TMEM117: variants seen among roughly 807,000 people sequenced by gnomAD.
The protein encoded by TMEM117 is transmembrane protein 117.
A neutral mutation model predicts 52.4 loss-of-function variants in TMEM117; 27 were observed. The observed-to-expected ratio is 0.51, with a 90% CI of 0.38 to 0.71. The LOEUF (loss-of-function observed/expected upper bound fraction) is 0.71, where lower values mean the gene tolerates loss of function less well. Among genes scored for constraint, TMEM117 ranks in the 30% least tolerant of loss-of-function variants. The pLI is 0.00. For synonymous variants in TMEM117, 215 were observed against 206.3 expected, an observed-to-expected ratio of 1.04 and a Z score of -0.36; for missense variants, 556 against 630.5, an observed-to-expected ratio of 0.88 and a Z score of 1.26.
intron 5 of TMEM117, among the ~76,000 whole-genome samples, chr12:44,297,690 A>G (rs1400350308): frequency 6.6e-6 from 1 of 152,206 alleles, no homozygotes; most frequent in African/African-American, 2.4e-5. Context: ...ATTCTTCATC[A>G]AGGTTGCTAT....
At chr12:43,984,660 T>C (rs1945817053) in intron 3 of TMEM117, among the ~76,000 whole-genome samples, 1 of 152,194 alleles carries the variant, frequency 6.6e-6, no homozygotes, top group Non-Finnish European at 1.5e-5. Flanking sequence ...AACCAATAAC[T>C]AGTACAAGAG....
chr12:44,346,580 C>T (rs1246057300), intron 6 of TMEM117, among the ~76,000 whole-genome samples: 1 of 152,142 alleles, frequency 6.6e-6, no homozygotes, highest in Non-Finnish European at 1.5e-5. Flanking sequence ...GACTCTTGCA[C>T]ATACTGTGCG....
intron 3 of TMEM117, among the ~76,000 whole-genome samples, chr12:44,030,077 C>T (rs1406720478): frequency 6.6e-6 from 1 of 152,076 alleles, no homozygotes; most frequent in Non-Finnish European, 1.5e-5. Context: ...AAAATAAGAG[C>T]TTAAATCAAA....
At chr12:44,122,026 C>T (rs747265911) in intron 3 of TMEM117, among the ~76,000 whole-genome samples, 1 of 150,990 alleles carries the variant, frequency 6.6e-6, no homozygotes, top group Non-Finnish European at 1.5e-5. Context: ...CAGCAAAGGA[C>T]ATGATTTCAT....
chr12:44,111,680 T>C (rs1481371570), intron 3 of TMEM117, among the ~76,000 whole-genome samples: 1 of 139,010 alleles, frequency 7.2e-6, no homozygotes, highest in Non-Finnish European at 1.5e-5. Context: ...AAATGTATAT[T>C]CTGTTGATTT....
intron 5 of TMEM117, among the ~76,000 whole-genome samples, chr12:44,227,099 G>A (rs1949871772): frequency 6.6e-6 from 1 of 152,114 alleles, no homozygotes; most frequent in African/African-American, 2.4e-5. Context: ...CTTAGGATTG[G>A]ACTTGTTATG....
the TMEM117 span, among the ~76,000 whole-genome samples, chr12:43,825,023 G>A: frequency 6.6e-6 from 1 of 152,194 alleles, no homozygotes; most frequent in Admixed American, 6.5e-5. Flanking sequence ...AACCAGGTGG[G>A]GAACTTAAAT....
the TMEM117 span, among the ~76,000 whole-genome samples, chr12:43,809,118 A>G: frequency 6.6e-6 from 1 of 152,222 alleles, no homozygotes; most frequent in Admixed American, 6.5e-5. Flanking sequence ...TCTTTTTACC[A>G]TAGAAGAGAC....
intron 2 of TMEM117, among the ~76,000 whole-genome samples, chr12:43,865,305 C>A (rs547742458): frequency 6.6e-6 from 1 of 152,096 alleles, no homozygotes; most frequent in Non-Finnish European, 1.5e-5. Context: ...CTAACTTTAC[C>A]TTCTAACTTG....
At chr12:44,046,664 T>C (rs958256957) in intron 3 of TMEM117, among the ~76,000 whole-genome samples, 1 of 152,216 alleles carries the variant, frequency 6.6e-6, no homozygotes, top group African/African-American at 2.4e-5. Context: ...GCTATGACCA[T>C]GTGACCAGCT....
chr12:43,795,854 G>A, the TMEM117 span: 2,234 of 1,205,510 alleles, frequency 1.9e-3, 19 homozygotes, highest in African/African-American at 0.026. Context: ...ACCCTTTCCA[G>A]TAAGGCAGAA....
At chr12:44,076,824 T>C (rs1294538496) in intron 3 of TMEM117, among the ~76,000 whole-genome samples, 1 of 152,036 alleles carries the variant, frequency 6.6e-6, no homozygotes, top group Non-Finnish European at 1.5e-5. Context: ...GGCTGTAAAA[T>C]AGCCCGATGG....
At chr12:44,200,796 A>G (rs766661963) in intron 4 of TMEM117, among the ~76,000 whole-genome samples, 3 of 152,160 alleles carry the variant, frequency 2.0e-5, no homozygotes, top group Admixed American at 6.5e-5. Context: ...CAGTTCTTCA[A>G]CGTAGGTGCC....
chr12:43,874,650 A>G (rs1319862052), intron 2 of TMEM117, among the ~76,000 whole-genome samples: 2 of 152,038 alleles, frequency 1.3e-5, no homozygotes, highest in Non-Finnish European at 2.9e-5. Flanking sequence ...CATATAGTCT[A>G]TTTTCCCCAA....
At chr12:43,966,160 C>CA (rs1945482439) in intron 3 of TMEM117, among the ~76,000 whole-genome samples, 1 of 152,148 alleles carries the variant, frequency 6.6e-6, no homozygotes, top group South Asian at 2.1e-4. Context: ...CATTGATAGG[C>CA]ACCTAGGTTG....
chr12:43,944,350 T>A lies in TMEM117; in HGVS notation c.410+8T>A, dbSNP rs6582491. The stretch of plus-strand genomic sequence containing the variant: ...AATGGATGGGAACATGGGGTAGGTT[T>A]TCTTTCCCCTTTCTACTGTGGTGAG... On this transcript the variant is annotated splice_region_variant and intron_variant, in intron 3 of 7. Coordinates refer to ENST00000266534, the MANE Select transcript of TMEM117 (RefSeq NM_032256.3). The A allele has an allele frequency of 1, 1,603,187 of 1,607,760 alleles. 799,403 individuals carry two copies. The highest frequency in any genetic ancestry group is 1 in the East Asian group (44,690 of 44,690).
chr12:44,007,738 GT>G (rs1380802414), intron 3 of TMEM117, among the ~76,000 whole-genome samples: 1 of 152,102 alleles, frequency 6.6e-6, no homozygotes, highest in African/African-American at 2.4e-5. Context: ...AGTATTTCTG[GT>G]GCTGTTCTCG....
intron 3 of TMEM117, among the ~76,000 whole-genome samples, chr12:44,100,832 G>C (rs1947848976): frequency 6.6e-6 from 1 of 151,654 alleles, no homozygotes; most frequent in Non-Finnish European, 1.5e-5. Flanking sequence ...GCTCTGGAGT[G>C]TCTTTGCAGC....
chr12:44,107,434 A>C (rs1179827153), intron 3 of TMEM117, among the ~76,000 whole-genome samples: 1 of 152,118 alleles, frequency 6.6e-6, no homozygotes, highest in African/African-American at 2.4e-5. Context: ...ATAAAAATTC[A>C]CTTAGAACCT....
Sources: gnomAD v4.1 joint callset for allele counts (sites outside exome capture counted in the v4.1 genomes callset) on GRCh38, gnomAD v4.1.1 for gene constraint, MANE v1.5 for transcripts, NCBI Gene and HGNC (gene_info 2026-07-23, HGNC 2026-07-21) for gene names.